NT5C3A: variants seen among roughly 807,000 people sequenced by gnomAD.
NT5C3A encodes the protein cytosolic 5'-nucleotidase 3A.
In NT5C3A, 23 loss-of-function variants were observed where a neutral mutation model predicts 40.0. The ratio of observed to expected loss-of-function variants is 0.58; its 90% CI spans 0.41 to 0.81. The LOEUF (loss-of-function observed/expected upper bound fraction) is 0.81, where lower values mean the gene tolerates loss of function less well. NT5C3A is among the 40% of genes least tolerant of loss of function. The pLI is 0.00. For synonymous variants in NT5C3A, 130 were observed against 141.4 expected (o/e 0.92, Z 0.57); for missense variants, 328 against 403.0 (o/e 0.81, Z 1.59).
At chr7:33,022,127 A>G in intron 3 of NT5C3A, 28 bp from the exon 4 acceptor site, 3 of 1,209,614 alleles carry the variant, frequency 2.5e-6, no homozygotes, top group Non-Finnish European at 3.7e-6. Flanking sequence ...AATAAGCATT[A>G]AAAGAAATAC....
intron 1 of NT5C3A, among the ~76,000 whole-genome samples, chr7:33,057,801 A>G (rs937639721): frequency 2.0e-5 from 3 of 152,206 alleles, no homozygotes; most frequent in Non-Finnish European, 4.4e-5. Flanking sequence ...TAAATTGGAA[A>G]TGACCATTTT....
chr7:33,041,681 T>C (rs1246070696), intron 1 of NT5C3A, among the ~76,000 whole-genome samples: 3 of 152,046 alleles, frequency 2.0e-5, no homozygotes, highest in African/African-American at 7.2e-5. Flanking sequence ...TTTTTAAAAA[T>C]GGGGGGAAAA....
At chr7:33,022,407 T>C (rs1396924612) in intron 3 of NT5C3A, among the ~76,000 whole-genome samples, 1 of 147,748 alleles carries the variant, frequency 6.8e-6, no homozygotes, top group Non-Finnish European at 1.5e-5. Context: ...TCACTTCCAT[T>C]TTCTACTTTG....
chr7:33,062,731 G>C lies in NT5C3A; in HGVS notation c.-26C>G. 6.4e-7 allele frequency: 1 copy of C among 1,552,428 alleles called. No homozygotes were observed. Among genetic ancestry groups the C allele is most frequent in the Non-Finnish European group, 8.7e-7 (1 of 1,148,086 alleles). ...GGACGGGGCCCTCATGCGCGTCCAA[G>C]CAGGAAAAAAACAGGCAGCTCGCGT... is the stretch of plus-strand genomic sequence containing the variant. On this transcript the variant is annotated 5_prime_UTR_variant, in exon 1 of 9. Transcript: ENST00000610140.
At chr7:33,026,653 G>A (rs113596371) in intron 2 of NT5C3A, among the ~76,000 whole-genome samples, 164 bp downstream of exon 2, 4 of 151,192 alleles carry the variant, frequency 2.6e-5, no homozygotes, top group African/African-American at 9.7e-5. Flanking sequence ...CACTATGCCC[G>A]GCCATTTTTT....
chr7:33,026,360 A>AAAAAAG (rs1425986736), intron 2 of NT5C3A, among the ~76,000 whole-genome samples: 2 of 149,906 alleles, frequency 1.3e-5, no homozygotes, highest in Non-Finnish European at 3.0e-5. Context: ...AAAGAAAAAA[A>AAAAAAG]AAAAAAAAAA....
intron 2 of NT5C3A, among the ~76,000 whole-genome samples, chr7:33,025,184 G>GA (rs1785851138): frequency 3.9e-5 from 6 of 151,970 alleles, no homozygotes; most frequent in Admixed American, 3.3e-4. Context: ...ATAAAAATTT[G>GA]AAAAAATCTG....
chr7:33,041,717 C>G (rs924315187), intron 1 of NT5C3A, among the ~76,000 whole-genome samples: 11 of 151,858 alleles, frequency 7.2e-5, no homozygotes, highest in East Asian at 1.9e-4. Context: ...AAAATAAGAG[C>G]AGTCCAACTG....
At position 33,033,277 on chromosome 7, in the gene NT5C3A, T is replaced by C. The variant is rs550284379; in HGVS notation, c.139-6362A>G. ...TATCCAGCTACACAGAAAGTATAGA[T>C]TTAAAGCCACCTATTCAAACTGGTA... On this transcript the variant is annotated intron_variant, in intron 1 of 8. Transcript: ENST00000610140. Among the ~76,000 whole-genome samples, 28 of 152,330 alleles carry C rather than the reference T, an allele frequency of 1.8e-4. 1 individual carries two copies. The South Asian group carries it at 5.4e-3, about 29-fold the overall frequency.
chr7:33,014,670 T>C lies in NT5C3A; in HGVS notation c.*60A>G. On this transcript the variant is annotated 3_prime_UTR_variant, in exon 9 of 9. Transcript: ENST00000610140. ...ATTATAAATAAGTCTCTCAGCAAGA[T>C]GAACGGATGAACAGTTCAATTGCAC... The C allele has an allele frequency of 1.2e-6, 2 of 1,601,726 alleles. No homozygotes were observed. The highest frequency in any genetic ancestry group is 1.1e-5 in the South Asian group (1 of 90,332).
rs1583882787 is a variant in NT5C3A, at chr7:33,014,153, T to G, written c.*577A>C. On this transcript the variant is annotated 3_prime_UTR_variant, in exon 9 of 9. Coordinates refer to ENST00000610140, the MANE Select transcript of NT5C3A (RefSeq NM_001002010.5). ...AATTAAAAAGGTTTTGCATTTCATA[T>G]TTATTATCAGTGCTTCAATATAGAA... The G allele has an allele frequency of 2.3e-6, 1 of 442,562 alleles. No homozygotes were observed. The highest frequency in any genetic ancestry group is 7.0e-5 in the East Asian group (1 of 14,284). The allele number at this position is 442,562 out of a possible 1,614,324, so 27.4% of individuals were successfully genotyped here. A position where few individuals can be genotyped will look rare whatever the true frequency, so the allele number is the denominator to read the frequency against.
chr7:33,015,604 A>G (rs1562583598), intron 8 of NT5C3A, 66 bp downstream of exon 8: 5 of 1,047,412 alleles, frequency 4.8e-6, no homozygotes, highest in Non-Finnish European at 7.3e-6. Flanking sequence ...TGACTATGGC[A>G]ACAATTGCCT....
Position 33,014,573 on chromosome 7 carries a change from T to C in NT5C3A, c.*157A>G, listed in dbSNP as rs1305275937. The C allele has an allele frequency of 9.5e-7, 1 of 1,057,564 alleles. No homozygotes were observed. Among genetic ancestry groups the C allele is most frequent in the Non-Finnish European group, 1.4e-6 (1 of 720,126 alleles). The allele number at this position is 1,057,564 out of a possible 1,614,324, so 65.5% of individuals were successfully genotyped here. ...TTGAGAGAGGTGGAGAAAAGGAGCT[T>C]CCAGTCAATGCATTCACCATATCTG... On this transcript the variant is annotated 3_prime_UTR_variant, in exon 9 of 9. Coordinates refer to ENST00000610140, the MANE Select transcript of NT5C3A (RefSeq NM_001002010.5).
rs1402000896 is a variant in NT5C3A at position 33,026,912 on chromosome 7, G to C, written c.142C>G (p.Pro48Ala). 6.2e-7 allele frequency: 1 copy of C among 1,602,614 alleles called. No homozygotes were observed. The change falls in exon 2 of 9, where the codon CCA becomes GCA. Residue 48 changes from proline to alanine, a missense_variant. By Grantham distance (27) the Pro-to-Ala change is conservative. Coordinates refer to ENST00000610140, the MANE Select transcript of NT5C3A (RefSeq NM_001002010.5). The part of the protein sequence containing the change: ...GRKTKIIEMM[P>A]EFQKSSVRIK... ...CGAACTGAACTTTTCTGGAATTCTG[G>C]CATCTAAAAGTAAAAGAAAATTAAT... is the stretch of plus-strand genomic sequence containing the variant.
At position 33,047,592 on chromosome 7, in the gene NT5C3A, T is replaced by G. The variant is rs927395502; in HGVS notation, c.138+14976A>C. ...TAGTTATGAAAATATAAGTATAAAT[T>G]TATAAACAAATTAAGTAAACAATCT... On this transcript the variant is annotated intron_variant, in intron 1 of 8. Coordinates refer to ENST00000610140, the MANE Select transcript of NT5C3A (RefSeq NM_001002010.5). Among the ~76,000 whole-genome samples the G allele has an allele frequency of 9.2e-5, 14 of 152,182 alleles. No individual in the cohort carries two copies. In the East Asian group the frequency reaches 2.7e-3, roughly 29 times the overall value.
At chr7:33,018,166 A>C (rs1432076037) in intron 6 of NT5C3A, among the ~76,000 whole-genome samples, 3 of 152,260 alleles carry the variant, frequency 2.0e-5, no homozygotes, top group African/African-American at 7.2e-5. Context: ...ATATTGACCA[A>C]CAACAAATAC....
intron 1 of NT5C3A, among the ~76,000 whole-genome samples, chr7:33,035,012 ACACT>A (rs1786508725): frequency 2.0e-5 from 2 of 99,612 alleles, no homozygotes; most frequent in African/African-American, 8.4e-5. Flanking sequence ...CACAGTTAAA[ACACT>A]CACTAACGTA....
chr7:33,048,038 T>C (rs376257974), intron 1 of NT5C3A, among the ~76,000 whole-genome samples: 1 of 151,888 alleles, frequency 6.6e-6, no homozygotes, highest in Non-Finnish European at 1.5e-5. Flanking sequence ...CTTACTTAAA[T>C]AGGATTAAAT....
chr7:33,030,875 G>A (rs1480858047), intron 1 of NT5C3A, among the ~76,000 whole-genome samples: 5 of 151,910 alleles, frequency 3.3e-5, no homozygotes, highest in African/African-American at 9.7e-5. Flanking sequence ...TGAGGCGGGC[G>A]GATCACGAGG....
Sources: allele counts gnomAD v4.1 joint callset (sites outside exome capture counted in the v4.1 genomes callset), GRCh38; gene constraint gnomAD v4.1.1; transcripts MANE v1.5; gene names NCBI Gene and HGNC (gene_info 2026-07-23, HGNC 2026-07-21).